SAMSN1: variants seen among roughly 807,000 people sequenced by gnomAD.
SAMSN1 encodes SAM domain-containing protein SAMSN-1.
A neutral mutation model predicts 42.0 loss-of-function variants in SAMSN1; 31 were observed. The observed-to-expected ratio is 0.74, with a 90% CI of 0.55 to 1.00. SAMSN1 has a LOEUF of 1.00. SAMSN1 is among the 50% of genes least tolerant of loss of function. The pLI, the probability that SAMSN1 is intolerant of heterozygous loss-of-function variation, is 0.00. For synonymous variants in SAMSN1, 178 were observed against 151.9 expected, an observed-to-expected ratio of 1.17 and a Z score of -1.26; for missense variants, 464 against 439.4, an observed-to-expected ratio of 1.06 and a Z score of -0.50.
In SAMSN1 at chr21:14,496,443, A is replaced by G. The variant is rs141482786; in HGVS notation, c.919+1999T>C. 3.9e-5 allele frequency: 6 copies of G among 152,316 alleles called. No individual in the cohort carries two copies. In the East Asian group the frequency reaches 1.2e-3, roughly 29 times the overall value. The allele number at this position is 152,316 out of a possible 1,614,324, so 9.4% of individuals were successfully genotyped here. On this transcript the variant is annotated intron_variant, in intron 7 of 7. Transcript: ENST00000400566. ...AAGCAATCATTTACAAGTGTTCAAA[A>G]AATACTCTTCTCCTCCCTGTACTTC...
chr21:14,517,234 A>G (rs1987958783), intron 2 of SAMSN1, among the ~76,000 whole-genome samples, 193 bp from the exon 3 acceptor site: 1 of 152,182 alleles, frequency 6.6e-6, no homozygotes, highest in African/African-American at 2.4e-5. Context: ...TGTGTTACGA[A>G]CTCAGAAAGT....
At chr21:14,567,129 TC>T (rs1300909408) in intron 2 of SAMSN1, among the ~76,000 whole-genome samples, 1 of 152,002 alleles carries the variant, frequency 6.6e-6, no homozygotes, top group Non-Finnish European at 1.5e-5. Flanking sequence ...GTTTCATGGC[TC>T]CTAGAACCAC....
intron 1 of SAMSN1, among the ~76,000 whole-genome samples, chr21:14,649,855 A>G (rs1983801279): frequency 6.6e-6 from 1 of 151,900 alleles, no homozygotes; most frequent in Non-Finnish European, 1.5e-5. Context: ...AAGATATTCT[A>G]TGCCAATGAA....
intron 1 of SAMSN1, chr21:14,643,196 C>T (rs1414650660): frequency 8.6e-6 from 6 of 700,454 alleles, no homozygotes; most frequent in Non-Finnish European, 1.6e-5. Context: ...TAAAAGGTAC[C>T]TAATTTATAC....
At chr21:14,568,829 A>T (rs138557097) in intron 2 of SAMSN1, among the ~76,000 whole-genome samples, 173 of 152,316 alleles carry the variant, frequency 1.1e-3, no homozygotes, top group African/African-American at 4.1e-3. Flanking sequence ...TAATTCCTTC[A>T]TGTAAATAAA....
intron 2 of SAMSN1, among the ~76,000 whole-genome samples, chr21:14,560,220 G>A (rs919489499): frequency 2.0e-5 from 3 of 152,134 alleles, no homozygotes; most frequent in East Asian, 1.9e-4. Context: ...AGTGAAACAG[G>A]AATTTGTCAG....
chr21:14,505,872 TA>T (rs531926784), intron 5 of SAMSN1, among the ~76,000 whole-genome samples: 37 of 152,054 alleles, frequency 2.4e-4, no homozygotes, highest in African/African-American at 8.4e-4. Flanking sequence ...TCAATAAATA[TA>T]AAAAAATTGA....
chr21:14,530,971 A>C (rs561192128), intron 1 of SAMSN1, among the ~76,000 whole-genome samples: 2 of 152,196 alleles, frequency 1.3e-5, no homozygotes, highest in East Asian at 3.9e-4. Flanking sequence ...TGCATATTTT[A>C]TTTTTCTATT....
At chr21:14,527,478 G>A (rs1243305785) in intron 1 of SAMSN1, among the ~76,000 whole-genome samples, 1 of 152,160 alleles carries the variant, frequency 6.6e-6, no homozygotes, top group African/African-American at 2.4e-5. Context: ...AGGGATAAAG[G>A]CAACCCAAAG....
intron 1 of SAMSN1, among the ~76,000 whole-genome samples, chr21:14,539,930 G>A (rs1348639664): frequency 2.0e-5 from 3 of 152,124 alleles, no homozygotes; most frequent in African/African-American, 7.2e-5. Context: ...GCATGGTATT[G>A]GTACCAAAAC....
At chr21:14,632,560 C>T (rs1182503169) in intron 2 of SAMSN1, among the ~76,000 whole-genome samples, 1 of 151,834 alleles carries the variant, frequency 6.6e-6, no homozygotes, top group African/African-American at 2.4e-5. Context: ...TATTGTAATA[C>T]AAATAATTGT....
At chr21:14,620,335 G>T (rs1417605303) in intron 2 of SAMSN1, among the ~76,000 whole-genome samples, 2 of 152,040 alleles carry the variant, frequency 1.3e-5, no homozygotes, top group African/African-American at 4.8e-5. Flanking sequence ...GTTCTTACGA[G>T]ATGTGATGGT....
At chr21:14,651,379 A>T (rs529843416) in intron 1 of SAMSN1, among the ~76,000 whole-genome samples, 50 of 152,126 alleles carry the variant, frequency 3.3e-4, no homozygotes, top group Non-Finnish European at 6.3e-4. Context: ...ATAGTTCAAC[A>T]TATTCAAATC....
At chr21:14,630,009 A>T (rs1045044626) in intron 2 of SAMSN1, among the ~76,000 whole-genome samples, 1 of 152,194 alleles carries the variant, frequency 6.6e-6, no homozygotes, top group South Asian at 2.1e-4. Context: ...CCTGCCACTT[A>T]TTATCTTCTT....
chr21:14,561,942 A>C (rs1349314401), intron 2 of SAMSN1, among the ~76,000 whole-genome samples: 4 of 152,200 alleles, frequency 2.6e-5, no homozygotes, highest in Non-Finnish European at 5.9e-5. Context: ...AGTCTCTCCT[A>C]GAGGCTTTGA....
intron 2 of SAMSN1, among the ~76,000 whole-genome samples, chr21:14,636,724 C>T (rs1167154926): frequency 6.6e-6 from 1 of 152,010 alleles, no homozygotes; most frequent in Non-Finnish European, 1.5e-5. Flanking sequence ...TGGCACGCAC[C>T]TGTAGTCCCA....
At chr21:14,547,401 A>G (rs181317906), upstream of SAMSN1, among the ~76,000 whole-genome samples, 39 of 152,310 alleles carry the variant, frequency 2.6e-4, no homozygotes, top group Admixed American at 5.9e-4. Flanking sequence ...GAGTTTCCCC[A>G]TGGTTTAAAA....
intron 1 of SAMSN1, among the ~76,000 whole-genome samples, chr21:14,525,701 T>G (rs1322227592): frequency 6.6e-6 from 1 of 152,218 alleles, no homozygotes; most frequent in Non-Finnish European, 1.5e-5. Flanking sequence ...TTGGCCATTC[T>G]TGAATCATTA....
intron 2 of SAMSN1, among the ~76,000 whole-genome samples, chr21:14,641,183 TGCATATCTA>T (rs1983590364): frequency 6.6e-6 from 1 of 152,170 alleles, no homozygotes; most frequent in Non-Finnish European, 1.5e-5. Flanking sequence ...CCCCCTCTTA[TGCATATCTA>T]GCAACACCAA....
Sources: allele counts gnomAD v4.1 joint callset (sites outside exome capture counted in the v4.1 genomes callset), GRCh38; gene constraint gnomAD v4.1.1; transcripts MANE v1.5; gene names NCBI Gene and HGNC (gene_info 2026-07-23, HGNC 2026-07-21).